PCDHB4: variants seen among roughly 807,000 people sequenced by gnomAD.
PCDHB4 encodes the protein protocadherin beta 4, also known as protocadherin beta-4.
For synonymous variants in PCDHB4, 482 were observed against 447.3 expected (o/e 1.08, Z -0.98); for missense variants, 1,063 against 1,007.0 (o/e 1.06, Z -0.75).
rs782364428 is a variant in PCDHB4, at chr5:141,121,973, T to C, written c.-26T>C. 1.3e-6 allele frequency: 2 copies of C among 1,494,630 alleles called. No homozygotes were observed. The highest frequency in any genetic ancestry group is 4.3e-5 in the Admixed American group (2 of 46,662). 92.6% of individuals were successfully genotyped at this position (1,494,630 alleles called of 1,614,324 possible). A position where few individuals can be genotyped will look rare whatever the true frequency, so the allele number is the denominator to read the frequency against. On this transcript the variant is annotated 5_prime_UTR_variant, in exon 1 of 1. Transcript: ENST00000194152. Reference sequence around the variant, plus strand: ...AGTCTCGTTGCGGTTGCTGAGGGGATTGGATATAGGGACCTGGACTCCAAC... The same window carrying C: ...AGTCTCGTTGCGGTTGCTGAGGGGACTGGATATAGGGACCTGGACTCCAAC...
In PCDHB4 at chr5:141,123,756, C is replaced by G. The variant is rs1752352716; in HGVS notation, c.1758C>G (p.Thr586=). 2 of 1,610,512 alleles carry G rather than the reference C, an allele frequency of 1.2e-6. No homozygotes were observed. Residue 586 remains threonine (T), a synonymous_variant, in exon 1 of 1, where the codon ACC becomes ACG. Coordinates refer to ENST00000194152, the MANE Select transcript of PCDHB4 (RefSeq NM_018938.4). ...PRAAEPGYLV[T]KVVAVDGDSG... ...CGGCCGAGCCGGGCTACCTGGTGAC[C>G]AAGGTGGTGGCGGTGGACGGCGACT...
chr5:141,121,974 T>G lies in PCDHB4; in HGVS notation c.-25T>G. 1 of 1,499,434 alleles carries G rather than the reference T, an allele frequency of 6.7e-7. No individual in the cohort carries two copies. The highest frequency in any genetic ancestry group is 9.0e-7 in the Non-Finnish European group (1 of 1,111,702). 92.9% of individuals were successfully genotyped at this position (1,499,434 alleles called of 1,614,324 possible). A position where few individuals can be genotyped will look rare whatever the true frequency, so the allele number is the denominator to read the frequency against. On this transcript the variant is annotated 5_prime_UTR_variant, in exon 1 of 1. The change creates a new upstream start codon in the 5' untranslated region. Transcript: ENST00000194152. Reference sequence around the variant, plus strand: ...GTCTCGTTGCGGTTGCTGAGGGGATTGGATATAGGGACCTGGACTCCAACA... The same window carrying G: ...GTCTCGTTGCGGTTGCTGAGGGGATGGGATATAGGGACCTGGACTCCAACA...
At position 141,121,977 on chromosome 5, in the gene PCDHB4, A is replaced by T. The variant is rs782110720; in HGVS notation, c.-22A>T. On this transcript the variant is annotated 5_prime_UTR_variant, in exon 1 of 1. Coordinates refer to ENST00000194152, the MANE Select transcript of PCDHB4 (RefSeq NM_018938.4). The stretch of plus-strand genomic sequence containing the variant: ...TCGTTGCGGTTGCTGAGGGGATTGG[A>T]TATAGGGACCTGGACTCCAACATGA... 9.2e-6 allele frequency: 14 copies of T among 1,523,724 alleles called. No homozygotes were observed. In the East Asian group the frequency reaches 1.1e-4, roughly 12 times the overall value. 94.4% of individuals were successfully genotyped at this position (1,523,724 alleles called of 1,614,324 possible).
In PCDHB4 at chr5:141,123,975, G is replaced by A. The variant is rs1554274684; in HGVS notation, c.1977G>A (p.Val659=). ...GCTCGGCCACCGCCACGCTGCACGT[G>A]CTCCTGGTGGATGGCTTCTCCCAGC... The part of the protein sequence containing the change: ...PPRSATATLH[V]LLVDGFSQPY... The change falls in exon 1 of 1, where the codon GTG becomes GTA. Residue 659 remains valine, a synonymous_variant. Coordinates refer to ENST00000194152, the MANE Select transcript of PCDHB4 (RefSeq NM_018938.4). The A allele has an allele frequency of 6.2e-7, 1 of 1,604,434 alleles. No homozygotes were observed. Among genetic ancestry groups the A allele is most frequent in the Non-Finnish European group, 8.5e-7 (1 of 1,179,716 alleles).
At position 141,122,395 on chromosome 5, in the gene PCDHB4, C is replaced by T; in HGVS notation, c.397C>T (p.Pro133Ser). Reference sequence around the variant, plus strand: ...CATAAATGATCACTCTCCAATATTCCCTGAAAGGGAAGTGCTCTTGAAAAT... The same window carrying T: ...CATAAATGATCACTCTCCAATATTCTCTGAAAGGGAAGTGCTCTTGAAAAT... ...QDINDHSPIFPEREVLLKILE... is the reference protein window; with the variant it reads ...QDINDHSPIFSEREVLLKILE... The change falls in exon 1 of 1, where the codon CCT (proline) becomes TCT (serine). Residue 133 changes from proline (P) to serine (S), a missense_variant. Pro to Ser is a moderately conservative substitution (Grantham distance 74). Transcript: ENST00000194152. The T allele has an allele frequency of 6.2e-7, 1 of 1,614,164 alleles. No homozygotes were observed. The highest frequency in any genetic ancestry group is 8.5e-7 in the Non-Finnish European group (1 of 1,180,026).
At position 141,121,971 on chromosome 5, in the gene PCDHB4, G is replaced by A. The variant is rs1238798684; in HGVS notation, c.-28G>A. ...CAAGTCTCGTTGCGGTTGCTGAGGG[G>A]ATTGGATATAGGGACCTGGACTCCA... On this transcript the variant is annotated 5_prime_UTR_variant, in exon 1 of 1. Transcript: ENST00000194152. 2.7e-6 allele frequency: 4 copies of A among 1,483,742 alleles called. No individual in the cohort carries two copies. The highest frequency in any genetic ancestry group is 2.7e-6 in the Non-Finnish European group (3 of 1,097,766). The allele number at this position is 1,483,742 out of a possible 1,614,324, so 91.9% of individuals were successfully genotyped here.
Position 141,123,537 on chromosome 5 carries a change from C to T in PCDHB4, c.1539C>T (p.Phe513=), listed in dbSNP as rs782257581. 9.6e-5 allele frequency: 155 copies of T among 1,613,144 alleles called. No homozygotes were observed. The highest frequency in any genetic ancestry group is 7.3e-4 in the African/African-American group (55 of 74,992). ...TCAACGCAGACAACGGCCACCTGTT[C>T]GCCCTCAGGTCGCTGGACTACGAGG... The part of the protein sequence containing the change: ...VSINADNGHL[F]ALRSLDYEAL... Residue 513 remains phenylalanine (F), a synonymous_variant, in exon 1 of 1, where the codon TTC becomes TTT. Transcript: ENST00000194152.
Position 141,121,976 on chromosome 5 carries a change from G to T in PCDHB4, c.-23G>T. On this transcript the variant is annotated 5_prime_UTR_variant, in exon 1 of 1. Transcript: ENST00000194152. ...CTCGTTGCGGTTGCTGAGGGGATTG[G>T]ATATAGGGACCTGGACTCCAACATG... The T allele has an allele frequency of 6.6e-7, 1 of 1,520,824 alleles. No homozygotes were observed. 94.2% of individuals were successfully genotyped at this position (1,520,824 alleles called of 1,614,324 possible).
chr5:141,123,101 G>T lies in PCDHB4; in HGVS notation c.1103G>T (p.Arg368Leu), dbSNP rs143711233. The T allele has an allele frequency of 1.8e-4, 284 of 1,613,754 alleles. No individual in the cohort carries two copies. The highest frequency in any genetic ancestry group is 4.5e-4 in the Admixed American group (27 of 59,968). ...CCTGAGACGGTAGTCTCTATCTTCC[G>T]AATTCGAGATAGAGATTCCGGAGAA... ...NAPETVVSIFRIRDRDSGENG... is the reference protein window; with the variant it reads ...NAPETVVSIFLIRDRDSGENG... Residue 368 changes from arginine to leucine, a missense_variant, in exon 1 of 1, where the codon CGA (arginine) becomes CTA (leucine). Coordinates refer to ENST00000194152, the MANE Select transcript of PCDHB4 (RefSeq NM_018938.4).
rs1554274292 is a variant in PCDHB4, at chr5:141,122,163, T to C, written c.165T>C (p.Ile55=). 2.5e-6 allele frequency: 4 copies of C among 1,614,148 alleles called. No homozygotes were observed. In the South Asian group the frequency reaches 4.4e-5, roughly 18 times the overall value. The change falls in exon 1 of 1, where the codon ATT becomes ATC. Residue 55 remains isoleucine, a synonymous_variant. Coordinates refer to ENST00000194152, the MANE Select transcript of PCDHB4 (RefSeq NM_018938.4). The part of the protein sequence containing the change: ...AHLAKDLGLG[I]GELASRSARV... Reference sequence around the variant, plus strand: ...TGGCCAAGGATCTGGGCCTGGGAATTGGGGAACTGGCCTCCCGGTCAGCCC... The same window carrying C: ...TGGCCAAGGATCTGGGCCTGGGAATCGGGGAACTGGCCTCCCGGTCAGCCC...
rs1221553265 is a variant in PCDHB4, at chr5:141,122,914, T to G, written c.916T>G (p.Leu306Val). The part of the protein sequence containing the change: ...VTGEILLKKK[L>V]DFEKIKSYHV... ...GGGAGAAATACTGTTGAAAAAAAAA[T>G]TGGATTTCGAAAAAATTAAATCTTA... The change falls in exon 1 of 1, where the codon TTG becomes GTG. Residue 306 changes from leucine to valine, a missense_variant. Transcript: ENST00000194152. 6.2e-7 allele frequency: 1 copy of G among 1,605,322 alleles called. No homozygotes were observed. Among genetic ancestry groups the G allele is most frequent in the African/African-American group, 1.3e-5 (1 of 74,210 alleles).
chr5:141,123,972 C>T lies in PCDHB4; in HGVS notation c.1974C>T (p.His658=), dbSNP rs1554274681. The T allele has an allele frequency of 1.2e-6, 2 of 1,604,488 alleles. No homozygotes were observed. The highest frequency in any genetic ancestry group is 1.7e-5 in the Admixed American group (1 of 60,008). The stretch of plus-strand genomic sequence containing the variant: ...CGCGCTCGGCCACCGCCACGCTGCA[C>T]GTGCTCCTGGTGGATGGCTTCTCCC... ...EPPRSATATL[H]VLLVDGFSQP... The change falls in exon 1 of 1, where the codon CAC becomes CAT. Residue 658 remains histidine (H), a synonymous_variant. Transcript: ENST00000194152.
In PCDHB4 at chr5:141,124,362, C is replaced by G. The variant is rs782411165; in HGVS notation, c.2364C>G (p.Phe788Leu). 3 of 1,610,602 alleles carry G rather than the reference C, an allele frequency of 1.9e-6. No homozygotes were observed. The South Asian group carries it at 3.3e-5, about 18-fold the overall frequency. ...GGGAAGTTAAGGAAAACCCCAAGTT[C>G]AGAAATAGCTTGGTATTCAGTTAAG... is the stretch of plus-strand genomic sequence containing the variant. The part of the protein sequence containing the change: ...TGREVKENPK[F>L]RNSLVFS The change falls in exon 1 of 1, where the codon TTC becomes TTG. Residue 788 changes from phenylalanine (F) to leucine (L), a missense_variant. Coordinates refer to ENST00000194152, the MANE Select transcript of PCDHB4 (RefSeq NM_018938.4).
rs1554274772 is a variant in PCDHB4, at chr5:141,124,289, A to G, written c.2291A>G (p.Lys764Arg). 3.1e-6 allele frequency: 5 copies of G among 1,614,192 alleles called. No homozygotes were observed. In the South Asian group the frequency reaches 5.5e-5, roughly 18 times the overall value. Residue 764 changes from lysine to arginine, a missense_variant, in exon 1 of 1, where the codon AAG becomes AGG. Coordinates refer to ENST00000194152, the MANE Select transcript of PCDHB4 (RefSeq NM_018938.4). ...GGAGACTCTGGGACTGGTGAGTTCAAGTTCCTGAAGCCAATATTTCCTAAT... is the reference window on the plus strand; with the variant it reads ...GGAGACTCTGGGACTGGTGAGTTCAGGTTCCTGAAGCCAATATTTCCTAAT... ...LTGDSGTGEF[K>R]FLKPIFPNLL...
At position 141,121,830 on chromosome 5, in the gene PCDHB4, C is replaced by T; in HGVS notation, c.-169C>T. 1.9e-6 allele frequency: 1 copy of T among 538,304 alleles called. No individual in the cohort carries two copies. The highest frequency in any genetic ancestry group is 3.3e-6 in the Non-Finnish European group (1 of 303,176). The allele number at this position is 538,304 out of a possible 1,614,324, so 33.3% of individuals were successfully genotyped here. Reference sequence around the variant, plus strand: ...CGCAATCAAAAACACACGGAAGAAGCGTTACAAGCAGTGCAGGTTTACCAA... The same window carrying T: ...CGCAATCAAAAACACACGGAAGAAGTGTTACAAGCAGTGCAGGTTTACCAA... On this transcript the variant is annotated 5_prime_UTR_variant, in exon 1 of 1. Coordinates refer to ENST00000194152, the MANE Select transcript of PCDHB4 (RefSeq NM_018938.4).
At position 141,122,432 on chromosome 5, in the gene PCDHB4, G is replaced by A. The variant is rs1554274342; in HGVS notation, c.434G>A (p.Ser145Asn). The change falls in exon 1 of 1, where the codon AGC becomes AAC. Residue 145 changes from serine to asparagine, a missense_variant. By Grantham distance (46) the Ser-to-Asn change is conservative. Transcript: ENST00000194152. ...REVLLKILEN[S>N]QPGTLFPLLI... ...GTGCTCTTGAAAATACTAGAAAATA[G>A]CCAGCCGGGTACTCTATTTCCGTTG... 5 of 1,614,230 alleles carry A rather than the reference G, an allele frequency of 3.1e-6. No individual in the cohort carries two copies. In the Admixed American group the frequency reaches 6.7e-5, roughly 22 times the overall value.
Position 141,123,121 on chromosome 5 carries a change from G to C in PCDHB4, c.1123G>C (p.Gly375Arg). The C allele has an allele frequency of 6.2e-7, 1 of 1,613,920 alleles. No individual in the cohort carries two copies. The highest frequency in any genetic ancestry group is 8.5e-7 in the Non-Finnish European group (1 of 1,179,960). ...CTTCCGAATTCGAGATAGAGATTCC[G>C]GAGAAAATGGAAAGATGATTTGCTC... is the stretch of plus-strand genomic sequence containing the variant. ...SIFRIRDRDS[G>R]ENGKMICSIP... The change falls in exon 1 of 1, where the codon GGA becomes CGA. Residue 375 changes from glycine to arginine, a missense_variant. By Grantham distance (125) the Gly-to-Arg change is moderately radical (BLOSUM62 -2). Transcript: ENST00000194152.
rs1752364168 is a variant in PCDHB4, at chr5:141,124,046, A to G, written c.2048A>G (p.Asp683Gly). Residue 683 changes from aspartate to glycine, a missense_variant, in exon 1 of 1, where the codon GAC (aspartate) becomes GGC (glycine). Physicochemically the swap from Asp to Gly is moderately conservative, Grantham distance 94 (BLOSUM62 -1). Coordinates refer to ENST00000194152, the MANE Select transcript of PCDHB4 (RefSeq NM_018938.4). ...PEAAPAQAQA[D>G]SLTVYLVVAL... ...GCGGCCCCGGCCCAGGCCCAGGCCG[A>G]CTCTCTCACCGTCTACCTGGTGGTG... is the stretch of plus-strand genomic sequence containing the variant. The G allele has an allele frequency of 6.2e-7, 1 of 1,603,622 alleles. No homozygotes were observed. Among genetic ancestry groups the G allele is most frequent in the East Asian group, 2.2e-5 (1 of 44,700 alleles).
In PCDHB4 at chr5:141,122,436, G is replaced by A. The variant is rs1554274344; in HGVS notation, c.438G>A (p.Gln146=). The change falls in exon 1 of 1, where the codon CAG becomes CAA. Residue 146 remains glutamine, a synonymous_variant. Coordinates refer to ENST00000194152, the MANE Select transcript of PCDHB4 (RefSeq NM_018938.4). ...EVLLKILENS[Q]PGTLFPLLIA... is the part of the protein sequence containing the mutation. ...TCTTGAAAATACTAGAAAATAGCCA[G>A]CCGGGTACTCTATTTCCGTTGCTAA... 6.2e-7 allele frequency: 1 copy of A among 1,614,106 alleles called. No individual in the cohort carries two copies. The highest frequency in any genetic ancestry group is 1.3e-5 in the African/African-American group (1 of 74,954).
Sources: gnomAD v4.1 joint callset for allele counts on GRCh38, gnomAD v4.1.1 for gene constraint, MANE v1.5 for transcripts, NCBI Gene and HGNC (gene_info 2026-07-23, HGNC 2026-07-21) for gene names.